The following HSPA4 variants were observed in gnomAD, a reference collection of about 807,000 sequenced individuals.
HSPA4 encodes heat shock 70 kDa protein 4.
HSPA4 carries 25 observed loss-of-function variants against 106.2 expected under a neutral mutation model. That is an observed-to-expected ratio of 0.24 (90% CI 0.17 to 0.33). HSPA4 has a LOEUF of 0.33. Among genes scored for constraint, HSPA4 ranks in the 10% least tolerant of loss-of-function variants. HSPA4 has a pLI of 1.00. For missense variants in HSPA4, 841 were observed against 996.0 expected, an observed-to-expected ratio of 0.84 and a Z score of 2.10; for synonymous variants, 332 against 333.6, an observed-to-expected ratio of 1.00 and a Z score of 0.05.
chr5:133,058,042 G>A (rs538377972), intron 1 of HSPA4, among the ~76,000 whole-genome samples: 2 of 152,196 alleles, frequency 1.3e-5, no homozygotes, highest in Non-Finnish European at 2.9e-5. Flanking sequence ...GAACAAATAG[G>A]ATTAGATAAT....
At chr5:133,068,671 TTGAA>T (rs1200625384) in intron 3 of HSPA4, among the ~76,000 whole-genome samples, 5 of 152,122 alleles carry the variant, frequency 3.3e-5, no homozygotes, top group African/African-American at 7.2e-5. Context: ...TAAGGACAGT[TTGAA>T]TGGGATAGTA....
In HSPA4 at chr5:133,067,914, A is replaced by G. The variant is rs367586647; in HGVS notation, c.306+357A>G. 2.2e-4 allele frequency among the ~76,000 whole-genome samples: 32 copies of G among 143,094 alleles called. No homozygotes were observed. In the East Asian group the frequency reaches 6.1e-3, roughly 27 times the overall value. The allele number at this position is 143,094 out of a possible 152,430, so 93.9% of individuals were successfully genotyped here. A position where few individuals can be genotyped will look rare whatever the true frequency, so the allele number is the denominator to read the frequency against. The stretch of plus-strand genomic sequence containing the variant: ...ACAGTTTTTTTTTTTTTTTTTTGAG[A>G]TGGACTCTCGCCTTGTCACCCAGGC... On this transcript the variant is annotated intron_variant, in intron 3 of 18. Transcript: ENST00000304858.
chr5:133,097,734 A>T (rs1431899713), intron 15 of HSPA4, among the ~76,000 whole-genome samples: 1 of 151,220 alleles, frequency 6.6e-6, no homozygotes, highest in African/African-American at 2.4e-5. Context: ...TTTTTAGTAG[A>T]GATGGGATTT....
chr5:133,071,021 G>A (rs774098522), intron 4 of HSPA4, among the ~76,000 whole-genome samples: 26 of 152,026 alleles, frequency 1.7e-4, no homozygotes, highest in Non-Finnish European at 8.8e-5. Context: ...TTTTCAAGGT[G>A]CATTCATCTC....
rs148121558 is a variant in HSPA4, at chr5:133,058,910, C to T, written c.108-6070C>T. 1.7e-3 allele frequency among the ~76,000 whole-genome samples: 263 copies of T among 151,998 alleles called. 1 individual carries two copies. The highest frequency in any genetic ancestry group is 5.3e-3 in the African/African-American group (221 of 41,464). On this transcript the variant is annotated intron_variant, in intron 1 of 18. Transcript: ENST00000304858. ...TCGAAGGCCGAGGTGGGCAAATCCC[C>T]TGAGGCCAGGAGTTTGAGACCAGCC...
In HSPA4 at chr5:133,076,765, A is replaced by C; in HGVS notation, c.775A>C (p.Lys259Gln). 1.2e-6 allele frequency: 2 copies of C among 1,614,008 alleles called. No homozygotes were observed. The highest frequency in any genetic ancestry group is 3.3e-4 in the Middle Eastern group (2 of 6,058). The change falls in exon 7 of 19, where the codon AAA becomes CAA. Residue 259 changes from lysine (K) to glutamine (Q), a missense_variant. Around this residue, in one of 5 missense-constraint regions of HSPA4, gnomAD observed 347 missense variants for 408.7 expected, o/e 0.85. Transcript: ENST00000304858. The part of the protein sequence containing the change: ...GKKYKLDIKS[K>Q]IRALLRLSQE... ...GAAATACAAGCTAGACATTAAGTCCAAAATCCGTGCATTATTACGACTCTC... is the reference window on the plus strand; with the variant it reads ...GAAATACAAGCTAGACATTAAGTCCCAAATCCGTGCATTATTACGACTCTC...
intron 2 of HSPA4, among the ~76,000 whole-genome samples, chr5:133,066,454 T>TA (rs1161261995): frequency 6.6e-6 from 1 of 152,284 alleles, no homozygotes; most frequent in East Asian, 1.9e-4. Flanking sequence ...AAAACATAGA[T>TA]AAAAAAGTGT....
intron 15 of HSPA4, 28 bp from the exon 16 acceptor site, chr5:133,099,517 C>T: frequency 8.5e-7 from 1 of 1,181,858 alleles, no homozygotes; most frequent in South Asian, 1.3e-5. Flanking sequence ...TTTGATTGAC[C>T]TAATTATAAT....
intron 15 of HSPA4, among the ~76,000 whole-genome samples, chr5:133,097,683 G>A (rs1308843396): frequency 6.6e-6 from 1 of 150,948 alleles, no homozygotes; most frequent in East Asian, 1.9e-4. Flanking sequence ...CGAATAGCTG[G>A]GATTACAGGC....
rs532971153 is a variant in HSPA4 at position 133,091,892 on chromosome 5, C to CA, written c.1560+525dup. On this transcript the variant is annotated intron_variant, in intron 12 of 18. Transcript: ENST00000304858. Reference sequence around the variant, plus strand: ...AAGTTAAAAACAACAACAACAACAACAAAAAAACTAGCCAGGTGTGGTGGC... The same window carrying CA: ...AAGTTAAAAACAACAACAACAACAACAAAAAAAACTAGCCAGGTGTGGTGGC... 2.0e-4 allele frequency among the ~76,000 whole-genome samples: 31 copies of CA among 151,230 alleles called. 1 individual carries two copies. In the South Asian group the frequency reaches 4.6e-3, roughly 22 times the overall value.
intron 7 of HSPA4, among the ~76,000 whole-genome samples, chr5:133,078,804 GCTCA>G (rs1765479604): frequency 6.6e-6 from 1 of 151,922 alleles, no homozygotes; most frequent in Non-Finnish European, 1.5e-5. Flanking sequence ...TGTGATCTTG[GCTCA>G]CTGCACCCTC....
chr5:133,090,246 G>A (rs956943181), intron 11 of HSPA4, among the ~76,000 whole-genome samples: 3 of 151,988 alleles, frequency 2.0e-5, no homozygotes, highest in Admixed American at 2.0e-4. Flanking sequence ...CTAACATGGT[G>A]AAACCCCGTC....
chr5:133,055,584 G>C (rs1765150616), intron 1 of HSPA4, among the ~76,000 whole-genome samples: 1 of 152,050 alleles, frequency 6.6e-6, no homozygotes, highest in African/African-American at 2.4e-5. Context: ...ATCAGATGTT[G>C]AGTGCCTCTG....
chr5:133,060,030 T>C (rs77135538), intron 1 of HSPA4, among the ~76,000 whole-genome samples: 2,361 of 151,788 alleles, frequency 0.016, 30 homozygotes, highest in Middle Eastern at 0.034. Context: ...AGAGCATTTG[T>C]TGAGGAGAAG....
At chr5:133,073,783 A>G (rs1338652130) in intron 5 of HSPA4, among the ~76,000 whole-genome samples, 12 of 152,260 alleles carry the variant, frequency 7.9e-5, no homozygotes, top group African/African-American at 2.7e-4. Flanking sequence ...TCCATTGGCA[A>G]CTGTAAGGAA....
intron 4 of HSPA4, among the ~76,000 whole-genome samples, chr5:133,071,380 T>G (rs547610894): frequency 2.8e-4 from 43 of 152,068 alleles, no homozygotes; most frequent in Non-Finnish European, 5.1e-4. Flanking sequence ...CCCAGGAGTT[T>G]GAGGCTGCAG....
intron 1 of HSPA4, among the ~76,000 whole-genome samples, chr5:133,064,660 T>C (rs778514708): frequency 2.6e-5 from 4 of 151,992 alleles, no homozygotes; most frequent in Admixed American, 6.6e-5. Context: ...GATGTGAGGG[T>C]ACATTATTTT....
chr5:133,084,757 A>G (rs1765557048), intron 7 of HSPA4, among the ~76,000 whole-genome samples: 1 of 152,142 alleles, frequency 6.6e-6, no homozygotes, highest in African/African-American at 2.4e-5. Flanking sequence ...GGCATGAGCC[A>G]CCGCACCCAG....
chr5:133,054,385 GT>G, intron 1 of HSPA4, among the ~76,000 whole-genome samples: 1 of 152,016 alleles, frequency 6.6e-6, no homozygotes, highest in East Asian at 1.9e-4. Context: ...GTCTTTTTTA[GT>G]AGAGACAGGG....
Sources: allele counts gnomAD v4.1 joint callset (sites outside exome capture counted in the v4.1 genomes callset), GRCh38; gene constraint gnomAD v4.1.1; regional missense constraint gnomAD v4.1.1; transcripts MANE v1.5; gene names NCBI Gene and HGNC (gene_info 2026-07-23, HGNC 2026-07-21).